SAMD13: variants seen among roughly 807,000 people sequenced by gnomAD.
SAMD13 encodes the protein sterile alpha motif domain-containing protein 13.
SAMD13 carries 9 observed loss-of-function variants against 12.4 expected under a neutral mutation model. The ratio of observed to expected loss-of-function variants is 0.72; its 90% CI spans 0.44 to 1.26. SAMD13 has a LOEUF of 1.26. Ranked by LOEUF, SAMD13 falls within the 50% of genes most tolerant of loss-of-function variation. The pLI is 0.00. For synonymous variants in SAMD13, 46 were observed against 45.4 expected (o/e 1.01, Z -0.05); for missense variants, 84 against 119.6 (o/e 0.70, Z 1.39).
intron 3 of SAMD13, among the ~76,000 whole-genome samples, chr1:84,341,563 G>T (rs58909039): frequency 0.027 from 4,150 of 152,208 alleles, 199 homozygotes; most frequent in African/African-American, 0.094. Flanking sequence ...TGGGGGGTTT[G>T]TGGGATGGAC....
intron 2 of SAMD13, among the ~76,000 whole-genome samples, chr1:84,323,435 G>A (rs1391273422): frequency 6.6e-6 from 1 of 152,120 alleles, no homozygotes; most frequent in African/African-American, 2.4e-5. Context: ...GTGTGCATAT[G>A]GGTATGTGTG....
rs1178046260 is a variant in SAMD13, at chr1:84,331,328, TAAAAAAA to T, written c.165+5604_165+5610del. ...ATGCAATTCTAACAGCCCTCCTTGG[TAAAAAAA>T]AAAAAAAAAAAAAAAAAAAAAAATT... On this transcript the variant is annotated intron_variant, in intron 3 of 3. Coordinates refer to ENST00000394834, the MANE Select transcript of SAMD13 (RefSeq NM_001134663.2). 8.6e-4 allele frequency among the ~76,000 whole-genome samples: 13 copies of T among 15,182 alleles called. 1 individual carries two copies. Among genetic ancestry groups the T allele is most frequent in the African/African-American group, 1.5e-3 (7 of 4,650 alleles). The allele number at this position is 15,182 out of a possible 152,430, so 10.0% of individuals were successfully genotyped here. A position where few individuals can be genotyped will look rare whatever the true frequency, so the allele number is the denominator to read the frequency against.
intron 3 of SAMD13, among the ~76,000 whole-genome samples, chr1:84,347,221 C>G (rs1209470882): frequency 6.6e-6 from 1 of 152,126 alleles, no homozygotes; most frequent in Non-Finnish European, 1.5e-5. Context: ...TTGAGCTGCT[C>G]TAGTCAGGGT....
At chr1:84,340,581 C>T (rs535862863) in intron 3 of SAMD13, among the ~76,000 whole-genome samples, 16 of 152,196 alleles carry the variant, frequency 1.1e-4, no homozygotes, top group African/African-American at 3.9e-4. Context: ...TGAATTTTAT[C>T]CCAATAAAGT....
chr1:84,328,121 G>A (rs1679098009), intron 3 of SAMD13, among the ~76,000 whole-genome samples: 1 of 152,154 alleles, frequency 6.6e-6, no homozygotes, highest in Non-Finnish European at 1.5e-5. Context: ...CTCCTTGGAG[G>A]CAGACATCCC....
chr1:84,310,994 T>G, intron 2 of SAMD13, among the ~76,000 whole-genome samples: 1 of 152,200 alleles, frequency 6.6e-6, no homozygotes, highest in Admixed American at 6.5e-5. Flanking sequence ...TTTAGCTGTT[T>G]CATATGCAGT....
chr1:84,314,362 T>TG (rs1279139565), intron 2 of SAMD13, among the ~76,000 whole-genome samples: 1 of 152,160 alleles, frequency 6.6e-6, no homozygotes, highest in African/African-American at 2.4e-5. Context: ...AAAAAAGGAA[T>TG]GGGAAACCGA....
chr1:84,334,731 G>T (rs1679259024), intron 3 of SAMD13, among the ~76,000 whole-genome samples: 1 of 152,126 alleles, frequency 6.6e-6, no homozygotes, highest in Non-Finnish European at 1.5e-5. Flanking sequence ...TGCTTTAGCT[G>T]TGTCCCAGAG....
intron 3 of SAMD13, among the ~76,000 whole-genome samples, chr1:84,341,068 T>TA: frequency 6.6e-6 from 1 of 152,334 alleles, no homozygotes; most frequent in South Asian, 2.1e-4. Context: ...TGACTGGACT[T>TA]ATATCATCAG....
intron 3 of SAMD13, among the ~76,000 whole-genome samples, chr1:84,344,169 G>C (rs1679484130): frequency 1.3e-5 from 2 of 151,866 alleles, no homozygotes; most frequent in South Asian, 4.2e-4. Context: ...TGAAGTCACT[G>C]AAAGCATTAG....
intron 2 of SAMD13, chr1:84,303,896 TGTAAC>T (rs1678504544): frequency 1.3e-5 from 2 of 152,246 alleles, no homozygotes; most frequent in Admixed American, 6.5e-5. Context: ...CAATTGCACA[TGTAAC>T]ATAATATTTT....
In SAMD13 at chr1:84,343,945, T is replaced by C. The variant is rs376649639; in HGVS notation, c.166-5686T>C. Among the ~76,000 whole-genome samples, 19 of 152,324 alleles carry C rather than the reference T, an allele frequency of 1.2e-4. No individual in the cohort carries two copies. In the East Asian group the frequency reaches 3.1e-3, roughly 25 times the overall value. On this transcript the variant is annotated intron_variant, in intron 3 of 3. Coordinates refer to ENST00000394834, the MANE Select transcript of SAMD13 (RefSeq NM_001134663.2). The stretch of plus-strand genomic sequence containing the variant: ...GGAGGTCTTCAATTCTAGTTATATT[T>C]TGTAAATCTACTATTTTGAAAAGCC...
At chr1:84,316,536 T>A (rs1468941778) in intron 2 of SAMD13, among the ~76,000 whole-genome samples, 1 of 152,174 alleles carries the variant, frequency 6.6e-6, no homozygotes, top group Non-Finnish European at 1.5e-5. Context: ...CACATATCCA[T>A]GGATGTATTT....
At chr1:84,317,947 T>C (rs1327563726) in intron 2 of SAMD13, among the ~76,000 whole-genome samples, 1 of 152,124 alleles carries the variant, frequency 6.6e-6, no homozygotes, top group African/African-American at 2.4e-5. Flanking sequence ...ACCTATTTCT[T>C]CTAGACTATC....
At chr1:84,310,767 T>C (rs1244392135) in intron 2 of SAMD13, among the ~76,000 whole-genome samples, 1 of 152,174 alleles carries the variant, frequency 6.6e-6, no homozygotes, top group African/African-American at 2.4e-5. Flanking sequence ...ATTACCAACA[T>C]TGAATTCAAA....
intron 1 of SAMD13, 41 bp from the exon 2 acceptor site, chr1:84,303,162 T>C: frequency 1.4e-6 from 2 of 1,446,068 alleles, no homozygotes; most frequent in Non-Finnish European, 1.9e-6. Context: ...TTCTCTCACT[T>C]TCTAAGAATT....
At chr1:84,342,926 A>G (rs1003865079) in intron 3 of SAMD13, among the ~76,000 whole-genome samples, 6 of 151,920 alleles carry the variant, frequency 3.9e-5, no homozygotes, top group African/African-American at 4.8e-5. Context: ...GGTAACCTAT[A>G]GCGTGGGAGA....
At chr1:84,300,249 A>C (rs574627829), upstream of SAMD13, among the ~76,000 whole-genome samples, 6 of 152,354 alleles carry the variant, frequency 3.9e-5, 1 homozygote, top group South Asian at 2.1e-4. Flanking sequence ...CATGCTCAAA[A>C]AATACTGCTC....
intron 3 of SAMD13, among the ~76,000 whole-genome samples, chr1:84,332,243 T>C (rs889117117): frequency 3.9e-5 from 6 of 152,194 alleles, no homozygotes; most frequent in African/African-American, 1.4e-4. Context: ...CTTTTGGGAA[T>C]ATACCCAGTA....
Sources: gnomAD v4.1 joint callset for allele counts (sites outside exome capture counted in the v4.1 genomes callset) on GRCh38, gnomAD v4.1.1 for gene constraint, MANE v1.5 for transcripts, NCBI Gene and HGNC (gene_info 2026-07-23, HGNC 2026-07-21) for gene names.